Variants in TGS1 observed in about 807,000 individuals in gnomAD.
TGS1 encodes trimethylguanosine synthase.
A neutral mutation model predicts 92.2 loss-of-function variants in TGS1; 69 were observed. The observed-to-expected ratio is 0.75, with a 90% CI of 0.62 to 0.91. The LOEUF (loss-of-function observed/expected upper bound fraction) is 0.91, where lower values mean the gene tolerates loss of function less well. TGS1 is among the 40% of genes least tolerant of loss of function. The pLI, the probability that TGS1 is intolerant of heterozygous loss-of-function variation, is 0.00. For missense variants in TGS1, 1,062 were observed against 1,001.2 expected, an observed-to-expected ratio of 1.06 and a Z score of -0.82; for synonymous variants, 345 against 338.1, an observed-to-expected ratio of 1.02 and a Z score of -0.22.
At position 55,786,282 on chromosome 8, in the gene TGS1, A is replaced by G. The variant is rs781342702; in HGVS notation, c.384A>G (p.Lys128=). ...TRNKVKIKKK[K]HQKKYLDEIV... ...ATAAAGTTAAAATAAAAAAGAAAAA[A>G]CATCAAAAGAAATACTTAGATGAAA... Residue 128 remains lysine (K), a synonymous_variant, in exon 4 of 13, where the codon AAA becomes AAG. Coordinates refer to ENST00000260129, the MANE Select transcript of TGS1 (RefSeq NM_024831.8). 1.7e-4 allele frequency: 262 copies of G among 1,528,300 alleles called. No individual in the cohort carries two copies. Among genetic ancestry groups the G allele is most frequent in the Non-Finnish European group, 2.2e-4 (251 of 1,129,962 alleles). 94.7% of individuals were successfully genotyped at this position (1,528,300 alleles called of 1,614,324 possible). A position where few individuals can be genotyped will look rare whatever the true frequency, so the allele number is the denominator to read the frequency against.
rs1057179755 is a variant in TGS1 at position 55,796,074 on chromosome 8, A to G, written c.1464A>G (p.Ile488Met). The G allele has an allele frequency of 6.2e-7, 1 of 1,613,354 alleles. No homozygotes were observed. The highest frequency in any genetic ancestry group is 8.5e-7 in the Non-Finnish European group (1 of 1,179,422). ...AGTACCTAGACATGCGCAGACAAAT[A>G]AAGATGAAAAACAAACACATCTTCT... is the stretch of plus-strand genomic sequence containing the variant. Reference protein sequence around the residue: ...KSKYLDMRRQIKMKNKHIFFT... With the variant: ...KSKYLDMRRQMKMKNKHIFFT... Residue 488 changes from isoleucine to methionine, a missense_variant, in exon 7 of 13, where the codon ATA becomes ATG. Transcript: ENST00000260129.
Position 55,798,944 on chromosome 8 carries a change from C to T in TGS1, c.1573C>T (p.Pro525Ser), listed in dbSNP as rs149320355. 48 of 1,610,426 alleles carry T rather than the reference C, an allele frequency of 3.0e-5. No homozygotes were observed. In the African/African-American group the frequency reaches 5.9e-4, roughly 20 times the overall value. ...VEKFLTWVNK[P>S]MDEEASQESS... ...AAAATTCCTCACATGGGTTAATAAA[C>T]CAATGGATGAAGAAGCATCACAGGA... is the stretch of plus-strand genomic sequence containing the variant. The change falls in exon 8 of 13, where the codon CCA becomes TCA. Residue 525 changes from proline to serine, a missense_variant. Pro to Ser is a moderately conservative substitution (Grantham distance 74). Coordinates refer to ENST00000260129, the MANE Select transcript of TGS1 (RefSeq NM_024831.8).
chr8:55,824,673 C>T lies in TGS1; in HGVS notation c.2532C>T (p.Asp844=). 3 of 1,614,148 alleles carry T rather than the reference C, an allele frequency of 1.9e-6. No homozygotes were observed. The highest frequency in any genetic ancestry group is 1.7e-6 in the Non-Finnish European group (2 of 1,180,024). ...AGACAATCACTGCATATTTTGGTGA[C>T]CTAATTCGAAGACCAGCCTCTGAAA... ...KLKTITAYFG[D]LIRRPASET Residue 844 remains aspartate, a synonymous_variant, in exon 13 of 13, where the codon GAC becomes GAT. Transcript: ENST00000260129.
intron 5 of TGS1, among the ~76,000 whole-genome samples, chr8:55,791,920 A>G (rs1811895490): frequency 6.6e-6 from 1 of 152,218 alleles, no homozygotes. Flanking sequence ...TGAACTTGGA[A>G]GTTAGCTGGA....
intron 12 of TGS1, among the ~76,000 whole-genome samples, chr8:55,821,493 C>A (rs537794021): frequency 3.9e-5 from 6 of 152,282 alleles, no homozygotes; most frequent in Admixed American, 3.9e-4. Context: ...TCTAGACAAC[C>A]CTCTGAAAGG....
intron 5 of TGS1, among the ~76,000 whole-genome samples, chr8:55,791,618 C>G (rs577716320): frequency 6.6e-6 from 1 of 152,332 alleles, no homozygotes; most frequent in African/African-American, 2.4e-5. Flanking sequence ...CACCAGTGAA[C>G]TAACTTTCTA....
At chr8:55,779,371 G>A (rs1021351429) in intron 1 of TGS1, among the ~76,000 whole-genome samples, 1 of 152,138 alleles carries the variant, frequency 6.6e-6, no homozygotes, top group Non-Finnish European at 1.5e-5. Flanking sequence ...TGGAACATAC[G>A]GTAATAACCT....
chr8:55,800,728 GGT>G (rs1479350805), intron 8 of TGS1, among the ~76,000 whole-genome samples: 1 of 152,130 alleles, frequency 6.6e-6, no homozygotes, highest in Admixed American at 6.5e-5. Context: ...CTTTGCTATT[GGT>G]AACACTTGTT....
intron 10 of TGS1, among the ~76,000 whole-genome samples, chr8:55,806,991 G>A (rs1020056661): frequency 3.3e-5 from 5 of 150,776 alleles, no homozygotes; most frequent in South Asian, 2.1e-4. Context: ...GCAGTGGCGC[G>A]GATCTCGGCT....
intron 1 of TGS1, among the ~76,000 whole-genome samples, chr8:55,775,328 C>T (rs10958469): frequency 0.86 from 131,218 of 151,994 alleles, 56,772 homozygotes; most frequent in East Asian, 0.99. Context: ...GGTCAAAACC[C>T]GCAGGACTTT....
intron 12 of TGS1, among the ~76,000 whole-genome samples, chr8:55,822,000 G>A (rs534006796): frequency 6.0e-5 from 9 of 149,544 alleles, no homozygotes; most frequent in African/African-American, 1.5e-4. Flanking sequence ...TCATATTTTC[G>A]GATTTAGAAA....
rs1387477411 is a variant in TGS1 at position 55,776,210 on chromosome 8, C to T, written c.101+2491C>T. 2.7e-5 allele frequency among the ~76,000 whole-genome samples: 4 copies of T among 150,762 alleles called. No homozygotes were observed. The South Asian group carries it at 6.4e-4, about 24-fold the overall frequency. ...TGATTGATTGAGCAAGCAAGGGGTA[C>T]GTGACTGGGGGCTGCGTACACCACT... is the stretch of plus-strand genomic sequence containing the variant. On this transcript the variant is annotated intron_variant, in intron 1 of 12. Coordinates refer to ENST00000260129, the MANE Select transcript of TGS1 (RefSeq NM_024831.8).
At chr8:55,802,239 C>T (rs947485511) in intron 8 of TGS1, among the ~76,000 whole-genome samples, 2 of 152,138 alleles carry the variant, frequency 1.3e-5, no homozygotes, top group African/African-American at 4.8e-5. Context: ...TAAAGACCCT[C>T]GGTTACTTTC....
Position 55,786,249 on chromosome 8 carries a change from T to C in TGS1, c.351T>C (p.Asn117=). 1 of 1,381,462 alleles carries C rather than the reference T, an allele frequency of 7.2e-7. No homozygotes were observed. The highest frequency in any genetic ancestry group is 9.9e-7 in the Non-Finnish European group (1 of 1,012,790). 85.6% of individuals were successfully genotyped at this position (1,381,462 alleles called of 1,614,324 possible). A position where few individuals can be genotyped will look rare whatever the true frequency, so the allele number is the denominator to read the frequency against. Residue 117 remains asparagine (N), a synonymous_variant, in exon 4 of 13, where the codon AAT becomes AAC. Transcript: ENST00000260129. ...TTTATCTGATATAGGTATCTATGAA[T>C]ACTAGAAATAAAGTTAAAATAAAAA... ...TAHKDFEVSM[N]TRNKVKIKKK... is the part of the protein sequence containing the mutation.
intron 8 of TGS1, 39 bp downstream of exon 8, chr8:55,799,259 A>G: frequency 6.5e-7 from 1 of 1,537,846 alleles, no homozygotes; most frequent in Non-Finnish European, 8.7e-7. Flanking sequence ...ATGGATTTAG[A>G]TAAAATTTTT....
intron 10 of TGS1, among the ~76,000 whole-genome samples, chr8:55,810,455 T>G (rs1164324381): frequency 2.0e-5 from 3 of 152,260 alleles, no homozygotes; most frequent in African/African-American, 7.2e-5. Context: ...GTCGAATTTC[T>G]GTTCATTTTG....
intron 9 of TGS1, 109 bp downstream of exon 9, chr8:55,802,715 G>T (rs774191116): frequency 2.7e-5 from 31 of 1,132,112 alleles, no homozygotes; most frequent in Non-Finnish European, 3.4e-5. Context: ...CCCAGATTCA[G>T]CTATTTTCAA....
At chr8:55,822,823 C>T (rs997800125) in intron 12 of TGS1, among the ~76,000 whole-genome samples, 3 of 152,140 alleles carry the variant, frequency 2.0e-5, no homozygotes, top group Non-Finnish European at 4.4e-5. Context: ...TGACTTTTTA[C>T]ATACTCACTG....
chr8:55,787,055 C>G lies in TGS1; in HGVS notation c.1157C>G (p.Ala386Gly), dbSNP rs762062615. The G allele has an allele frequency of 1.9e-6, 3 of 1,606,328 alleles. No individual in the cohort carries two copies. Among genetic ancestry groups the G allele is most frequent in the Non-Finnish European group, 2.6e-6 (3 of 1,176,396 alleles). ...GGGAATACAAACACAGACCCACCAG[C>G]TGAGGGTAAGATTAACCAAGATTTA... Reference protein sequence around the residue: ...SSGNTNTDPPAEDSQKSSGAN... With the variant: ...SSGNTNTDPPGEDSQKSSGAN... Residue 386 changes from alanine (A) to glycine (G), a missense_variant, in exon 4 of 13, where the codon GCT (alanine) becomes GGT (glycine). Physicochemically the swap from Ala to Gly is moderately conservative, Grantham distance 60. Coordinates refer to ENST00000260129, the MANE Select transcript of TGS1 (RefSeq NM_024831.8).
Sources: allele counts gnomAD v4.1 joint callset (sites outside exome capture counted in the v4.1 genomes callset), GRCh38; gene constraint gnomAD v4.1.1; transcripts MANE v1.5; gene names NCBI Gene and HGNC (gene_info 2026-07-23, HGNC 2026-07-21).